The following VIL1 variants were observed in gnomAD, a reference collection of about 807,000 sequenced individuals.
VIL1 encodes the protein villin-1.
A neutral mutation model predicts 104.0 loss-of-function variants in VIL1; 86 were observed. That is an observed-to-expected ratio of 0.83 (90% CI 0.69 to 0.99). The LOEUF is 0.99. Ranked by LOEUF, VIL1 falls within the 50% of genes least tolerant of loss-of-function variation. The pLI, the probability that VIL1 is intolerant of heterozygous loss-of-function variation, is 0.00. For missense variants in VIL1, 944 were observed against 1,054.1 expected (o/e 0.90, Z 1.45); for synonymous variants, 394 against 412.6 (o/e 0.95, Z 0.55).
rs761790933 is a variant in VIL1, at chr2:218,425,319, G to A, written c.151-296G>A. 5.9e-5 allele frequency among the ~76,000 whole-genome samples: 9 copies of A among 152,316 alleles called. No homozygotes were observed. The Middle Eastern group carries it at 0.02, about 345-fold the overall frequency. ...TGGTCTTCAACTCCTGACCTCAGGTGATCCACTTGCCTCGACCTCCCAAAG... is the reference window on the plus strand; with the variant it reads ...TGGTCTTCAACTCCTGACCTCAGGTAATCCACTTGCCTCGACCTCCCAAAG... On this transcript the variant is annotated intron_variant, in intron 3 of 19. Coordinates refer to ENST00000248444, the MANE Select transcript of VIL1 (RefSeq NM_007127.3).
chr2:218,431,740 C>A, intron 10 of VIL1, 117 bp from the exon 11 acceptor site: 1 of 842,002 alleles, frequency 1.2e-6, no homozygotes, highest in Non-Finnish European at 2.0e-6. Context: ...ATCTCTCTTG[C>A]CTCGGTTTCC....
Position 218,435,392 on chromosome 2 carries a change from G to A in VIL1, c.1784G>A (p.Trp595Ter). ...VVEGQEPANFWMALGGKAPYA... is the reference protein window; with the variant it reads ...VVEGQEPANF ...GAAGGGCAGGAGCCAGCCAACTTCTGGATGGCCCTGGGTGGGAAGGCCCCC... is the reference window on the plus strand; with the variant it reads ...GAAGGGCAGGAGCCAGCCAACTTCTAGATGGCCCTGGGTGGGAAGGCCCCC... Residue 595 changes from tryptophan to a stop codon, truncating the protein, a stop_gained, in exon 15 of 20, where the codon TGG becomes TAG. Coordinates refer to ENST00000248444, the MANE Select transcript of VIL1 (RefSeq NM_007127.3). LOFTEE classifies it high-confidence loss of function. The A allele has an allele frequency of 6.2e-7, 1 of 1,614,158 alleles. No individual in the cohort carries two copies. The highest frequency in any genetic ancestry group is 8.5e-7 in the Non-Finnish European group (1 of 1,180,014).
At position 218,432,889 on chromosome 2, in the gene VIL1, C is replaced by T. The variant is rs146690641; in HGVS notation, c.1438C>T (p.Pro480Ser). 3.1e-6 allele frequency: 5 copies of T among 1,614,074 alleles called. No individual in the cohort carries two copies. In the African/African-American group the frequency reaches 6.7e-5, roughly 22 times the overall value. Residue 480 changes from proline (P) to serine (S), a missense_variant, in exon 13 of 20, where the codon CCA becomes TCA. Coordinates refer to ENST00000248444, the MANE Select transcript of VIL1 (RefSeq NM_007127.3). ...YNGEPVQIRVPMGKEPPHLMS... is the reference protein window; with the variant it reads ...YNGEPVQIRVSMGKEPPHLMS... Reference sequence around the variant, plus strand: ...TGGTGAACCAGTCCAGATCCGGGTCCCAATGGGCAAGGAGCCACCTCATCT... The same window carrying T: ...TGGTGAACCAGTCCAGATCCGGGTCTCAATGGGCAAGGAGCCACCTCATCT...
intron 19 of VIL1, among the ~76,000 whole-genome samples, chr2:218,446,760 C>CT (rs71064450): frequency 0.29 from 35,516 of 123,368 alleles, 6,329 homozygotes; most frequent in Non-Finnish European, 0.35. Flanking sequence ...GTGACCTTGA[C>CT]TTTTTTTTTT....
At chr2:218,432,583 G>A in intron 12 of VIL1, 2 of 806,562 alleles carry the variant, frequency 2.5e-6, no homozygotes, top group Non-Finnish European at 4.1e-6. Context: ...GCTGGGCTGG[G>A]TCTGGGAAAG....
chr2:218,436,347 T>C, intron 15 of VIL1, 135 bp from the exon 16 acceptor site: 1 of 1,207,706 alleles, frequency 8.3e-7, no homozygotes, highest in Non-Finnish European at 1.2e-6. Context: ...GGGACCCTTT[T>C]ATCAATCAGA....
At chr2:218,439,492 C>A (rs562297250) in intron 18 of VIL1, among the ~76,000 whole-genome samples, 1 of 152,084 alleles carries the variant, frequency 6.6e-6, no homozygotes, top group East Asian at 1.9e-4. Context: ...GGTAGAATAA[C>A]TACAACTCCT....
chr2:218,451,622 G>A lies in VIL1; in HGVS notation c.*2286G>A, dbSNP rs1182951455. ...TAGTTACATAATGGTAACTACACAC[G>A]ATACAGAAGAATCAGTAAATTCATG... On this transcript the variant is annotated 3_prime_UTR_variant, in exon 20 of 20. Transcript: ENST00000248444. 6.6e-6 allele frequency: 1 copy of A among 151,902 alleles called. No individual in the cohort carries two copies. The highest frequency in any genetic ancestry group is 2.4e-5 in the African/African-American group (1 of 41,350). The allele number at this position is 151,902 out of a possible 1,614,324, so 9.4% of individuals were successfully genotyped here.
intron 4 of VIL1, among the ~76,000 whole-genome samples, chr2:218,426,240 C>T (rs1414519425): frequency 1.3e-5 from 2 of 151,988 alleles, no homozygotes; most frequent in African/African-American, 2.4e-5. Context: ...AAACCAAGAC[C>T]GACAGCTTTT....
intron 4 of VIL1, among the ~76,000 whole-genome samples, chr2:218,426,848 C>T (rs1198848557): frequency 2.7e-5 from 4 of 150,278 alleles, no homozygotes; most frequent in African/African-American, 4.9e-5. Flanking sequence ...ATGATCTGCC[C>T]GCCTTGGCCT....
chr2:218,432,172 T>G lies in VIL1; in HGVS notation c.1330T>G (p.Tyr444Asp). Residue 444 changes from tyrosine (Y) to aspartate (D), a missense_variant, in exon 12 of 20, where the codon TAC becomes GAC. Physicochemically the swap from Tyr to Asp is radical, Grantham distance 160 (BLOSUM62 -3). Coordinates refer to ENST00000248444, the MANE Select transcript of VIL1 (RefSeq NM_007127.3). ...LIGEKQHYLL[Y>D]VWQGSQASQD... ...CGGCGAGAAGCAGCATTACCTGCTCTACGTTTGGCAGGTCAGGTCCCGCCA... is the reference window on the plus strand; with the variant it reads ...CGGCGAGAAGCAGCATTACCTGCTCGACGTTTGGCAGGTCAGGTCCCGCCA... 1.2e-6 allele frequency: 2 copies of G among 1,613,210 alleles called. No homozygotes were observed. Among genetic ancestry groups the G allele is most frequent in the Non-Finnish European group, 1.7e-6 (2 of 1,179,790 alleles).
intron 1 of VIL1, among the ~76,000 whole-genome samples, chr2:218,420,994 A>C (rs1688893092): frequency 6.6e-6 from 1 of 152,076 alleles, no homozygotes; most frequent in Admixed American, 6.6e-5. Context: ...AGGTTATTTC[A>C]TCACCATGTG....
At chr2:218,433,989 G>A (rs1248972694) in intron 13 of VIL1, among the ~76,000 whole-genome samples, 1 of 152,078 alleles carries the variant, frequency 6.6e-6, no homozygotes, top group Non-Finnish European at 1.5e-5. Context: ...CTGAGGTTGG[G>A]AGTTCGAGAC....
intron 10 of VIL1, 140 bp downstream of exon 10, chr2:218,431,018 A>T: frequency 8.6e-7 from 1 of 1,161,060 alleles, no homozygotes; most frequent in Non-Finnish European, 1.2e-6. Context: ...TTGTCCTAGC[A>T]GATGGGGACG....
chr2:218,443,652 A>G (rs1489917411), intron 19 of VIL1, among the ~76,000 whole-genome samples: 2 of 151,694 alleles, frequency 1.3e-5, no homozygotes, highest in South Asian at 4.1e-4. Flanking sequence ...TGTAAAAATC[A>G]GTTTTCTGTG....
chr2:218,426,749 C>T (rs1166943280), intron 4 of VIL1, among the ~76,000 whole-genome samples: 1 of 152,076 alleles, frequency 6.6e-6, no homozygotes, highest in African/African-American at 2.4e-5. Flanking sequence ...CTACAGGTGC[C>T]CACCACCACG....
At position 218,432,123 on chromosome 2, in the gene VIL1, C is replaced by T. The variant is rs770022070; in HGVS notation, c.1281C>T (p.Tyr427=). ...GCCACTTCTATGGGGGCGACTGCTACCTGCTGCTCTACACCTACCTCATCG... is the reference window on the plus strand; with the variant it reads ...GCCACTTCTATGGGGGCGACTGCTATCTGCTGCTCTACACCTACCTCATCG... ...WLGHFYGGDC[Y]LLLYTYLIGE... The change falls in exon 12 of 20, where the codon TAC becomes TAT. Residue 427 remains tyrosine (Y), a synonymous_variant. Coordinates refer to ENST00000248444, the MANE Select transcript of VIL1 (RefSeq NM_007127.3). 2.5e-6 allele frequency: 4 copies of T among 1,614,124 alleles called. No individual in the cohort carries two copies. Among genetic ancestry groups the T allele is most frequent in the South Asian group, 2.2e-5 (2 of 91,082 alleles).
intron 17 of VIL1, among the ~76,000 whole-genome samples, chr2:218,437,631 T>C (rs1689218624): frequency 6.6e-6 from 1 of 152,224 alleles, no homozygotes; most frequent in Non-Finnish European, 1.5e-5. Flanking sequence ...AGTTTGTCAC[T>C]AGCCACATGT....
rs780398701 is a variant in VIL1, at chr2:218,440,794, C to A, written c.2302C>A (p.Pro768Thr). 1 of 1,614,046 alleles carries A rather than the reference C, an allele frequency of 6.2e-7. No individual in the cohort carries two copies. Among genetic ancestry groups the A allele is most frequent in the Admixed American group, 1.7e-5 (1 of 59,996 alleles). The change falls in exon 19 of 20, where the codon CCC becomes ACC. Residue 768 changes from proline to threonine, a missense_variant. Transcript: ENST00000248444. Reference protein sequence around the residue: ...NLSSGPLPIFPLEQLVNKPVE... With the variant: ...NLSSGPLPIFTLEQLVNKPVE... ...CAGTTCTGGGCCTCTGCCCATCTTCCCCCTGGAGCAGCTAGTGAACAAGCC... is the reference window on the plus strand; with the variant it reads ...CAGTTCTGGGCCTCTGCCCATCTTCACCCTGGAGCAGCTAGTGAACAAGCC...
Sources: allele counts gnomAD v4.1 joint callset (sites outside exome capture counted in the v4.1 genomes callset), GRCh38; gene constraint gnomAD v4.1.1; transcripts MANE v1.5; gene names NCBI Gene and HGNC (gene_info 2026-07-23, HGNC 2026-07-21).